The following SP3 variants were observed in gnomAD, a reference collection of about 807,000 sequenced individuals.
SP3 encodes Sp3 transcription factor.
SP3 carries 10 observed loss-of-function variants against 70.3 expected under a neutral mutation model. That is an observed-to-expected ratio of 0.14 (90% confidence interval 0.09 to 0.24). SP3 has a LOEUF of 0.24. SP3 is among the 10% of genes least tolerant of loss of function. The pLI is 1.00. For synonymous variants in SP3, 402 were observed against 333.5 expected, an observed-to-expected ratio of 1.21 and a Z score of -2.24; for missense variants, 825 against 914.6, an observed-to-expected ratio of 0.90 and a Z score of 1.26.
chr2:173,951,322 G>A (rs937902319), intron 4 of SP3, among the ~76,000 whole-genome samples: 4 of 152,028 alleles, frequency 2.6e-5, no homozygotes, highest in Non-Finnish European at 4.4e-5. Context: ...CATTACTGAC[G>A]TTCACAAAAA....
rs554896139 is a variant in SP3 at position 173,964,445 on chromosome 2, T to C, written c.116A>G (p.Gln39Arg). ...GHGEYLQQQQ[Q>R]HGNGAVAAAA... ...CGCCGCCACCGCACCGTTTCCGTGC[T>C]GTTGCTGCTGCTGCAGATACTCGCC... The change falls in exon 2 of 7, where the codon CAG (glutamine) becomes CGG (arginine). Residue 39 changes from glutamine to arginine, a missense_variant. Around this residue, in one of 4 missense-constraint regions of SP3, gnomAD observed 678 missense variants for 651.6 expected, o/e 1.04. Transcript: ENST00000310015. The C allele has an allele frequency of 2.9e-5, 21 of 733,852 alleles. No individual in the cohort carries two copies. The highest frequency in any genetic ancestry group is 5.0e-5 in the Non-Finnish European group (20 of 398,772). 45.5% of individuals were successfully genotyped at this position (733,852 alleles called of 1,614,324 possible).
rs1690889123 is a variant in SP3 at position 173,956,194 on chromosome 2, T to G, written c.318A>C (p.Pro106=). ...DLASAQLGGA[P]NRWEVLSATP... ...TGGCTGACAAAACCTCCCATCGGTT[T>G]GGTGCTCCTCCTAACTGTGCAGAAG... The change falls in exon 4 of 7, where the codon CCA becomes CCC. Residue 106 remains proline, a synonymous_variant. Coordinates refer to ENST00000310015, the MANE Select transcript of SP3 (RefSeq NM_003111.5). The G allele has an allele frequency of 6.2e-7, 1 of 1,613,564 alleles. No individual in the cohort carries two copies. The highest frequency in any genetic ancestry group is 8.5e-7 in the Non-Finnish European group (1 of 1,179,760).
chr2:173,931,375 G>A (rs976420819), intron 4 of SP3, among the ~76,000 whole-genome samples: 4 of 149,264 alleles, frequency 2.7e-5, no homozygotes, highest in Non-Finnish European at 5.9e-5. Context: ...ATGGAGTCTC[G>A]CTCTGTTTCC....
intron 4 of SP3, among the ~76,000 whole-genome samples, chr2:173,930,414 G>GA (rs200457135): frequency 0.022 from 3,342 of 149,714 alleles, 98 homozygotes; most frequent in Admixed American, 0.098. Flanking sequence ...TAATTAAAAA[G>GA]AAAAAAAAAG....
At chr2:173,953,951 T>C (rs1385648704) in intron 4 of SP3, among the ~76,000 whole-genome samples, 1 of 152,168 alleles carries the variant, frequency 6.6e-6, no homozygotes, top group Non-Finnish European at 1.5e-5. Context: ...ATCACAAATT[T>C]ATCAAAAGAA....
rs754620797 is a variant in SP3 at position 173,963,925 on chromosome 2, G to C, written c.157-42C>G. 6 of 1,378,728 alleles carry C rather than the reference G, an allele frequency of 4.4e-6. No individual in the cohort carries two copies. In the Admixed American group the frequency reaches 1.6e-4, roughly 36 times the overall value. The allele number at this position is 1,378,728 out of a possible 1,614,324, so 85.4% of individuals were successfully genotyped here. Reference sequence around the variant, plus strand: ...GGTTCAGAGAGGGAGACAGGGGGAGGGGGTGGCGGTTAGGGTCGGGCCGCC... The same window carrying C: ...GGTTCAGAGAGGGAGACAGGGGGAGCGGGTGGCGGTTAGGGTCGGGCCGCC... On this transcript the variant is annotated intron_variant, in intron 2 of 6. Transcript: ENST00000310015.
At chr2:173,942,951 CTAAG>C (rs1335758035) in intron 4 of SP3, among the ~76,000 whole-genome samples, 3 of 152,112 alleles carry the variant, frequency 2.0e-5, no homozygotes, top group Non-Finnish European at 2.9e-5. Flanking sequence ...TTATAAGTAA[CTAAG>C]AGATGATTTA....
At chr2:173,922,234 A>G (rs983419843) in intron 4 of SP3, among the ~76,000 whole-genome samples, 1 of 152,128 alleles carries the variant, frequency 6.6e-6, no homozygotes, top group Non-Finnish European at 1.5e-5. Context: ...TAACAGATTG[A>G]TAACAGGTTA....
rs1014203974 is a variant in SP3 at position 173,901,654 on chromosome 2, G to A, written c.*8287C>T. ...CAGTAGCCTATATCCCCAGCCGTTG[G>A]ATAAAATGAACAGCAGGGAAACAGT... On this transcript the variant is annotated 3_prime_UTR_variant, in exon 7 of 7. Transcript: ENST00000310015. 1.3e-5 allele frequency among the ~76,000 whole-genome samples: 2 copies of A among 149,954 alleles called. No individual in the cohort carries two copies. The highest frequency in any genetic ancestry group is 4.9e-5 in the African/African-American group (2 of 40,778).
At position 173,955,056 on chromosome 2, in the gene SP3, G is replaced by T. The variant is rs1690834859; in HGVS notation, c.1456C>A (p.Gln486Lys). Reference protein sequence around the residue: ...NLQIQNTAAQQITLTPVQTLT... With the variant: ...NLQIQNTAAQKITLTPVQTLT... ...GTTTGAACAGGCGTCAAAGTTATTTGTTGGGCAGCAGTATTCTGTATTTGC... is the reference window on the plus strand; with the variant it reads ...GTTTGAACAGGCGTCAAAGTTATTTTTTGGGCAGCAGTATTCTGTATTTGC... Residue 486 changes from glutamine (Q) to lysine (K), a missense_variant, in exon 4 of 7, where the codon CAA (glutamine) becomes AAA (lysine). Coordinates refer to ENST00000310015, the MANE Select transcript of SP3 (RefSeq NM_003111.5). 10 of 1,614,082 alleles carry T rather than the reference G, an allele frequency of 6.2e-6. No individual in the cohort carries two copies. The highest frequency in any genetic ancestry group is 1.3e-5 in the African/African-American group (1 of 74,938).
intron 6 of SP3, among the ~76,000 whole-genome samples, chr2:173,911,408 T>A (rs975840594): frequency 6.6e-6 from 1 of 152,192 alleles, no homozygotes; most frequent in Non-Finnish European, 1.5e-5. Context: ...CATACCACCA[T>A]TTTTCTACTA....
intron 4 of SP3, among the ~76,000 whole-genome samples, chr2:173,926,117 G>C (rs1689902167): frequency 6.6e-6 from 1 of 152,140 alleles, no homozygotes; most frequent in Non-Finnish European, 1.5e-5. Context: ...GACTACAACA[G>C]AAATTGGATC....
chr2:173,905,320 C>T lies in SP3; in HGVS notation c.*4621G>A, dbSNP rs1028301826. Among the ~76,000 whole-genome samples, 1 of 152,156 alleles carries T rather than the reference C, an allele frequency of 6.6e-6. No individual in the cohort carries two copies. The highest frequency in any genetic ancestry group is 1.9e-4 in the East Asian group (1 of 5,188). ...TGAATCTCTACCGTTAAGTCAGGCA[C>T]TATGCTGAATGCTTATATTTTAATA... On this transcript the variant is annotated 3_prime_UTR_variant, in exon 7 of 7. Coordinates refer to ENST00000310015, the MANE Select transcript of SP3 (RefSeq NM_003111.5).
chr2:173,959,498 G>T (rs1293400622), intron 3 of SP3, among the ~76,000 whole-genome samples: 1 of 152,206 alleles, frequency 6.6e-6, no homozygotes, highest in African/African-American at 2.4e-5. Flanking sequence ...GGCTGAGGCG[G>T]GCAGATCACT....
intron 2 of SP3, 173 bp downstream of exon 2, chr2:173,964,232 G>A: frequency 2.1e-6 from 1 of 487,660 alleles, no homozygotes; most frequent in Non-Finnish European, 3.6e-6. Flanking sequence ...GGGCGGCGCG[G>A]GCGGGGTCGG....
chr2:173,939,282 T>A (rs535765249), intron 4 of SP3, among the ~76,000 whole-genome samples: 7 of 152,144 alleles, frequency 4.6e-5, no homozygotes, highest in Admixed American at 6.5e-5. Flanking sequence ...TTAGGGAAAA[T>A]GACTGATACC....
At chr2:173,958,488 CTA>C (rs1690963461) in intron 3 of SP3, among the ~76,000 whole-genome samples, 1 of 151,220 alleles carries the variant, frequency 6.6e-6, no homozygotes, top group Admixed American at 6.6e-5. Context: ...AGGAAAATCT[CTA>C]AACCTAGAGC....
chr2:173,932,826 A>G (rs1401341797), intron 4 of SP3, among the ~76,000 whole-genome samples: 1 of 152,064 alleles, frequency 6.6e-6, no homozygotes, highest in Non-Finnish European at 1.5e-5. Context: ...CCCCGTCTCT[A>G]CTAAAAATAC....
In SP3 at chr2:173,937,840, C is replaced by T. The variant is rs917065434; in HGVS notation, c.1639+17033G>A. ...TAACCCAAACTACCTCATTTTGAAA[C>T]AAATCCGAGATATAACATTTCATCT... is the stretch of plus-strand genomic sequence containing the variant. On this transcript the variant is annotated intron_variant, in intron 4 of 6. Transcript: ENST00000310015. Among the ~76,000 whole-genome samples, 35 of 152,110 alleles carry T rather than the reference C, an allele frequency of 2.3e-4. 1 individual carries two copies. Among genetic ancestry groups the T allele is most frequent in the African/African-American group, 8.5e-4 (35 of 41,416 alleles).
Sources: allele counts gnomAD v4.1 joint callset (sites outside exome capture counted in the v4.1 genomes callset), GRCh38; gene constraint gnomAD v4.1.1; regional missense constraint gnomAD v4.1.1; transcripts MANE v1.5; gene names NCBI Gene and HGNC (gene_info 2026-07-23, HGNC 2026-07-21).